Variants in SLC12A5 observed in about 807,000 individuals in gnomAD.
SLC12A5 encodes K-Cl cotransporter 2.
SLC12A5 carries 18 observed loss-of-function variants against 124.0 expected under a neutral mutation model. The observed-to-expected ratio is 0.15, with a 90% CI of 0.10 to 0.22. SLC12A5 has a LOEUF of 0.22. SLC12A5 is among the 10% of genes least tolerant of loss of function. The pLI is 1.00. For missense variants in SLC12A5, 867 were observed against 1,478.7 expected, an observed-to-expected ratio of 0.59 and a Z score of 6.78; for synonymous variants, 589 against 568.0, an observed-to-expected ratio of 1.04 and a Z score of -0.53.
At chr20:46,035,250 C>T (rs2084486846) in intron 2 of SLC12A5, 154 bp from the exon 3 acceptor site, 1 of 1,062,500 alleles carries the variant, frequency 9.4e-7, no homozygotes, top group Non-Finnish European at 1.4e-6. Context: ...CCATTCTTAC[C>T]CCTGTTCTCC....
At chr20:46,049,547 C>A in intron 16 of SLC12A5, 75 bp from the exon 17 acceptor site, 1 of 1,523,068 alleles carries the variant, frequency 6.6e-7, no homozygotes, top group Non-Finnish European at 8.9e-7. Context: ...GGCTAGATGA[C>A]CTGGTGGTGG....
chr20:46,053,115 C>T lies in SLC12A5; in HGVS notation c.2536C>T (p.Arg846Trp). The T allele has an allele frequency of 1.2e-6, 2 of 1,609,790 alleles. No individual in the cohort carries two copies. The highest frequency in any genetic ancestry group is 1.7e-6 in the Non-Finnish European group (2 of 1,176,324). The change falls in exon 19 of 26, where the codon CGG becomes TGG. Residue 846 changes from arginine to tryptophan, a missense_variant. By Grantham distance (101) the Arg-to-Trp change is moderately radical. This residue lies in a region of SLC12A5 where 70 missense variants were observed against 157.2 expected (regional missense o/e 0.45). Coordinates refer to ENST00000243964, the MANE Select transcript of SLC12A5 (RefSeq NM_020708.5). This position sits in a 1 kb window ranked among gnomAD's most constrained non-coding sequence, Gnocchi z 4.7. Reference sequence around the variant, plus strand: ...GCTCATGCTGCTGCCCTTCCTGCTGCGGCACCACAAGGTGAGTTGTGTGCG... The same window carrying T: ...GCTCATGCTGCTGCCCTTCCTGCTGTGGCACCACAAGGTGAGTTGTGTGCG... Reference protein sequence around the residue: ...GMLMLLPFLLRHHKVWRKCKM... With the variant: ...GMLMLLPFLLWHHKVWRKCKM...
At chr20:46,025,888 T>TG (rs934590887), upstream of SLC12A5, among the ~76,000 whole-genome samples, 2 of 151,982 alleles carry the variant, frequency 1.3e-5, no homozygotes, top group Admixed American at 1.3e-4. Context: ...GGTTAGGTTG[T>TG]GGGGGTAATG....
intron 1 of SLC12A5, 24 bp downstream of exon 1, chr20:46,029,420 G>A: frequency 6.7e-7 from 1 of 1,488,314 alleles, no homozygotes; most frequent in Non-Finnish European, 9.1e-7. Flanking sequence ...CGGGGGCGGC[G>A]GGGGAGGGGG....
intron 1 of SLC12A5, among the ~76,000 whole-genome samples, chr20:46,032,175 A>G (rs902689678): frequency 2.0e-5 from 3 of 152,142 alleles, no homozygotes; most frequent in Non-Finnish European, 2.9e-5. Context: ...GCGGCCGGCT[A>G]GGCTCGGCGC....
At position 46,059,366 on chromosome 20, in the gene SLC12A5, TC is replaced by T. The variant is rs1402692023; in HGVS notation, c.*1765del. ...TTGGAGGTCTGCCAGTTACACCAAG[TC>T]CCCTCTGAGATTCGATCAGGGGACT... On this transcript the variant is annotated 3_prime_UTR_variant, in exon 26 of 26. Coordinates refer to ENST00000243964, the MANE Select transcript of SLC12A5 (RefSeq NM_020708.5). The T allele has an allele frequency of 5.1e-6, 2 of 389,142 alleles. No individual in the cohort carries two copies. Among genetic ancestry groups the T allele is most frequent in the Admixed American group, 8.9e-5 (2 of 22,388 alleles). The allele number at this position is 389,142 out of a possible 1,614,324, so 24.1% of individuals were successfully genotyped here.
chr20:46,022,020 G>A (rs2084360079), intron 1 of SLC12A5: 3 of 1,083,552 alleles, frequency 2.8e-6, no homozygotes, highest in Admixed American at 3.7e-5. Context: ...CCTGAGAGGG[G>A]AATGGAGCCA....
intron 17 of SLC12A5, among the ~76,000 whole-genome samples, chr20:46,051,117 G>C (rs1317479202): frequency 6.6e-6 from 1 of 152,194 alleles, no homozygotes; most frequent in Non-Finnish European, 1.5e-5. Context: ...AACATTAGCT[G>C]TGTGTCCTTA....
upstream of SLC12A5, chr20:46,027,558 T>C (rs1217734403): frequency 6.6e-6 from 1 of 151,974 alleles, no homozygotes; most frequent in Non-Finnish European, 1.5e-5. Flanking sequence ...AAGCCAAGAG[T>C]CCATTCTAGC....
rs970433813 is a variant in SLC12A5 at position 46,057,144 on chromosome 20, G to T, written c.3126-26G>T. On this transcript the variant is annotated intron_variant, in intron 24 of 25. Transcript: ENST00000243964. This position sits in a 1 kb window ranked among gnomAD's most constrained non-coding sequence, Gnocchi z 7.1. ...CTTCTCTACCCCCCCGGCTCACGCG[G>T]TCTCCACTCCTCCTTCCTGCCGCAG... The T allele has an allele frequency of 6.2e-7, 1 of 1,612,742 alleles. No individual in the cohort carries two copies. Among genetic ancestry groups the T allele is most frequent in the African/African-American group, 1.3e-5 (1 of 74,892 alleles).
intron 6 of SLC12A5, 35 bp downstream of exon 6, chr20:46,037,420 G>A: frequency 6.3e-7 from 1 of 1,583,336 alleles, no homozygotes; most frequent in Middle Eastern, 1.7e-4. Context: ...TGGAACCCCA[G>A]GTTGTCAGTC....
chr20:46,058,971 G>A lies in SLC12A5; in HGVS notation c.*1366G>A. 2.7e-6 allele frequency: 1 copy of A among 376,686 alleles called. No individual in the cohort carries two copies. Among genetic ancestry groups the A allele is most frequent in the Non-Finnish European group, 4.7e-6 (1 of 212,826 alleles). 23.3% of individuals were successfully genotyped at this position (376,686 alleles called of 1,614,324 possible). A position where few individuals can be genotyped will look rare whatever the true frequency, so the allele number is the denominator to read the frequency against. ...GAGTCGCACGCGCTTTGTCCTTAGC[G>A]CCTGTCTGCTCTCCTCTAACTAGGA... On this transcript the variant is annotated 3_prime_UTR_variant, in exon 26 of 26. Transcript: ENST00000243964. This position sits in a 1 kb window ranked among gnomAD's most constrained non-coding sequence, Gnocchi z 5.8.
intron 16 of SLC12A5, 116 bp downstream of exon 16, chr20:46,048,201 C>T (rs1371656355): frequency 1.2e-5 from 11 of 922,910 alleles, no homozygotes; most frequent in South Asian, 9.8e-5. Context: ...TTTGCTGAGT[C>T]GTGCCCTAAA....
chr20:46,029,059 C>G (rs1044456723), upstream of SLC12A5: 1 of 1,185,456 alleles, frequency 8.4e-7, no homozygotes, highest in Admixed American at 4.0e-5. Flanking sequence ...CCCTCATCTT[C>G]TCTTCTCTCT....
chr20:46,024,048 C>G (rs536210396), downstream of SLC12A5, among the ~76,000 whole-genome samples: 11 of 152,284 alleles, frequency 7.2e-5, no homozygotes, highest in South Asian at 2.3e-3. Context: ...CCGGTACTCA[C>G]ACTACTTCGC....
chr20:46,025,715 C>T (rs113154585), upstream of SLC12A5, among the ~76,000 whole-genome samples: 1,197 of 152,268 alleles, frequency 7.9e-3, 15 homozygotes, highest in African/African-American at 0.027. Flanking sequence ...GGTTGACGTG[C>T]TCCGCAGTGA....
chr20:46,059,395 A>G lies in SLC12A5; in HGVS notation c.*1790A>G, dbSNP rs969049967. On this transcript the variant is annotated 3_prime_UTR_variant, in exon 26 of 26. Coordinates refer to ENST00000243964, the MANE Select transcript of SLC12A5 (RefSeq NM_020708.5). ...CTCTGAGATTCGATCAGGGGACTGG[A>G]TAGATTCTTTCAGGTACTCAATCAG... 4 of 394,944 alleles carry G rather than the reference A, an allele frequency of 1.0e-5. No homozygotes were observed. The highest frequency in any genetic ancestry group is 2.1e-5 in the African/African-American group (1 of 48,438). 24.5% of individuals were successfully genotyped at this position (394,944 alleles called of 1,614,324 possible).
chr20:46,053,729 C>T lies in SLC12A5; in HGVS notation c.2679+20C>T, dbSNP rs767719655. The T allele has an allele frequency of 2.3e-5, 36 of 1,549,500 alleles. No individual in the cohort carries two copies. The highest frequency in any genetic ancestry group is 3.7e-5 in the South Asian group (3 of 82,026). ...GAGATGGTGAGTCCCCAGGAGACACCGCTGGGGTTCCACCTGGCCCTCTTT... is the reference window on the plus strand; with the variant it reads ...GAGATGGTGAGTCCCCAGGAGACACTGCTGGGGTTCCACCTGGCCCTCTTT... On this transcript the variant is annotated intron_variant, in intron 20 of 25. Transcript: ENST00000243964. The surrounding 1 kb of genome is among the most constrained non-coding windows in gnomAD (Gnocchi z 4.7).
At position 46,056,187 on chromosome 20, in the gene SLC12A5, G is replaced by C. The variant is rs760046175; in HGVS notation, c.2825G>C (p.Arg942Pro). ...ACAGATGAGTCACGAGGCTCAATCC[G>C]GAGAAAGAATCCAGCCAACACGCGG... is the stretch of plus-strand genomic sequence containing the variant. ...SITDESRGSI[R>P]RKNPANTRLR... Residue 942 changes from arginine to proline, a missense_variant, in exon 22 of 26, where the codon CGG becomes CCG. This residue lies in a region of SLC12A5 where 180 missense variants were observed against 243.6 expected (regional missense o/e 0.74). Transcript: ENST00000243964. This position sits in a 1 kb window ranked among gnomAD's most constrained non-coding sequence, Gnocchi z 4.3. 6.2e-7 allele frequency: 1 copy of C among 1,614,166 alleles called. No homozygotes were observed.
Sources: allele counts gnomAD v4.1 joint callset (sites outside exome capture counted in the v4.1 genomes callset), GRCh38; gene constraint gnomAD v4.1.1; regional missense constraint gnomAD v4.1.1; non-coding constraint Gnocchi (gnomAD v3.1); transcripts MANE v1.5; gene names NCBI Gene and HGNC (gene_info 2026-07-23, HGNC 2026-07-21).